GAD2: variants seen among roughly 807,000 people sequenced by gnomAD.
GAD2 encodes glutamate decarboxylase 2.
A neutral mutation model predicts 80.1 loss-of-function variants in GAD2; 22 were observed. That is an observed-to-expected ratio of 0.27 (90% CI 0.20 to 0.39). The LOEUF (loss-of-function observed/expected upper bound fraction) is 0.39, where lower values mean the gene tolerates loss of function less well. Among genes scored for constraint, GAD2 ranks in the 10% least tolerant of loss-of-function variants. GAD2 has a pLI of 1.00. For missense variants in GAD2, 624 were observed against 738.4 expected (o/e 0.85, Z 1.80); for synonymous variants, 274 against 256.9 (o/e 1.07, Z -0.64).
chr10:26,299,138 G>A (rs1834304171), intron 15 of GAD2, among the ~76,000 whole-genome samples: 1 of 152,210 alleles, frequency 6.6e-6, no homozygotes, highest in East Asian at 1.9e-4. Context: ...TGAAGGTGAA[G>A]TCTACCTGTT....
chr10:26,253,940 G>A (rs1399558309), intron 8 of GAD2, among the ~76,000 whole-genome samples: 1 of 152,186 alleles, frequency 6.6e-6, no homozygotes, highest in Non-Finnish European at 1.5e-5. Flanking sequence ...AGGGCTGTGA[G>A]GGGCGGGGGT....
rs376571102 is a variant in GAD2 at position 26,286,341 on chromosome 10, G to A, written c.1237-4G>A. On this transcript the variant is annotated splice_region_variant and splice_polypyrimidine_tract_variant and intron_variant, in intron 12 of 15. Transcript: ENST00000376261. ...TTTCCTAAATTTTCTCTTCTCTCTT[G>A]TAGGGATTGATGCAGAATTGCAACC... The A allele has an allele frequency of 4.2e-5, 68 of 1,611,558 alleles. 1 individual carries two copies. Among genetic ancestry groups the A allele is most frequent in the Non-Finnish European group, 5.3e-5 (63 of 1,179,290 alleles).
chr10:26,272,910 TG>T (rs1340751950), intron 10 of GAD2, among the ~76,000 whole-genome samples: 3 of 151,968 alleles, frequency 2.0e-5, no homozygotes, highest in African/African-American at 7.3e-5. Context: ...CAACAAAAGG[TG>T]GGGGGAAGTG....
intron 8 of GAD2, among the ~76,000 whole-genome samples, chr10:26,263,827 CA>C (rs1845036983): frequency 6.6e-6 from 1 of 152,160 alleles, no homozygotes; most frequent in South Asian, 2.1e-4. Flanking sequence ...ATGCTGATAG[CA>C]GTAATTGGGG....
chr10:26,260,570 G>A (rs986389012), intron 8 of GAD2, among the ~76,000 whole-genome samples: 1 of 152,216 alleles, frequency 6.6e-6, no homozygotes, highest in Non-Finnish European at 1.5e-5. Context: ...GAAGGTTGCA[G>A]TGAGCCAAGA....
intron 6 of GAD2, among the ~76,000 whole-genome samples, chr10:26,228,646 C>T (rs1311492562): frequency 1.3e-5 from 2 of 152,192 alleles, no homozygotes; most frequent in African/African-American, 2.4e-5. Context: ...TGCCTTCTGT[C>T]ACATCAGCAG....
rs192009738 is a variant in GAD2 at position 26,264,593 on chromosome 10, G to A, written c.921-4526G>A. On this transcript the variant is annotated intron_variant, in intron 8 of 15. Transcript: ENST00000376261. ...CCAAAGTGCTGGGATAACAGGCGTG[G>A]AGCCACCATGCCCGGCCCAGATTTC... Among the ~76,000 whole-genome samples, 84 of 152,168 alleles carry A rather than the reference G, an allele frequency of 5.5e-4. 1 individual carries two copies. The highest frequency in any genetic ancestry group is 2.0e-3 in the African/African-American group (81 of 41,528).
At chr10:26,260,025 A>G (rs1443489408) in intron 8 of GAD2, among the ~76,000 whole-genome samples, 3 of 152,170 alleles carry the variant, frequency 2.0e-5, no homozygotes, top group Non-Finnish European at 2.9e-5. Context: ...GATGGCATGT[A>G]GTTTAAAATA....
chr10:26,273,594 A>T (rs771190247), intron 10 of GAD2, 42 bp from the exon 11 acceptor site: 1 of 1,535,804 alleles, frequency 6.5e-7, no homozygotes. Context: ...AATCTAGGCA[A>T]TGACAAACTG....
chr10:26,241,057 A>AG (rs1216785454), intron 7 of GAD2, among the ~76,000 whole-genome samples: 1 of 152,158 alleles, frequency 6.6e-6, no homozygotes, highest in Non-Finnish European at 1.5e-5. Flanking sequence ...AGAAAAAAAA[A>AG]AGAGAGAGTG....
intron 8 of GAD2, among the ~76,000 whole-genome samples, chr10:26,253,944 CG>C (rs968487092): frequency 7.3e-5 from 11 of 150,886 alleles, no homozygotes; most frequent in African/African-American, 2.7e-4. Context: ...CTGTGAGGGG[CG>C]GGGGTGGCAG....
chr10:26,251,245 CAT>C (rs138278936), intron 8 of GAD2, among the ~76,000 whole-genome samples: 315 of 152,118 alleles, frequency 2.1e-3, no homozygotes, highest in South Asian at 5.0e-3. Context: ...TATTTTTCCA[CAT>C]GATTACAAAC....
At chr10:26,279,934 A>G (rs1170907301) in intron 11 of GAD2, among the ~76,000 whole-genome samples, 2 of 152,236 alleles carry the variant, frequency 1.3e-5, no homozygotes, top group African/African-American at 2.4e-5. Flanking sequence ...TTGGACATCA[A>G]TTGATTAGAA....
chr10:26,237,743 C>T (rs766100730), intron 7 of GAD2, among the ~76,000 whole-genome samples: 14 of 152,114 alleles, frequency 9.2e-5, no homozygotes, highest in Non-Finnish European at 1.8e-4. Flanking sequence ...TGCAGTGGTT[C>T]ATGCCTGTAA....
intron 12 of GAD2, among the ~76,000 whole-genome samples, chr10:26,284,441 A>C (rs1564671029): frequency 6.6e-6 from 1 of 152,150 alleles, no homozygotes; most frequent in African/African-American, 2.4e-5. Context: ...AGTTTGGGAC[A>C]GGATGGTCTA....
At chr10:26,250,046 C>T (rs1489665601) in intron 8 of GAD2, among the ~76,000 whole-genome samples, 1 of 151,610 alleles carries the variant, frequency 6.6e-6, no homozygotes, top group African/African-American at 2.4e-5. Context: ...TTTTTTAAGA[C>T]ATGAGGTCTT....
chr10:26,228,697 C>T (rs1027740326), intron 6 of GAD2, among the ~76,000 whole-genome samples: 1 of 152,196 alleles, frequency 6.6e-6, no homozygotes, highest in Non-Finnish European at 1.5e-5. Flanking sequence ...CTATTGTGAA[C>T]TGCGCATGCG....
chr10:26,300,889 A>G lies in GAD2; in HGVS notation c.1686A>G (p.Ser562=). ...DKVNFFRMVI[S]NPAATHQDID... ...TCAATTTCTTCCGCATGGTCATCTC[A>G]AACCCAGCGGCAACTCACCAAGACA... is the stretch of plus-strand genomic sequence containing the variant. The change falls in exon 16 of 16, where the codon TCA becomes TCG. Residue 562 remains serine, a synonymous_variant. Coordinates refer to ENST00000376261, the MANE Select transcript of GAD2 (RefSeq NM_001134366.2). 1 of 1,613,026 alleles carries G rather than the reference A, an allele frequency of 6.2e-7. No homozygotes were observed. Among genetic ancestry groups the G allele is most frequent in the South Asian group, 1.1e-5 (1 of 91,054 alleles).
chr10:26,250,498 G>A (rs894841000), intron 8 of GAD2, among the ~76,000 whole-genome samples: 5 of 152,174 alleles, frequency 3.3e-5, no homozygotes, highest in Admixed American at 6.5e-5. Flanking sequence ...AGCTTTGTGG[G>A]ATGAGGGAAG....
Sources: allele counts gnomAD v4.1 joint callset (sites outside exome capture counted in the v4.1 genomes callset), GRCh38; gene constraint gnomAD v4.1.1; transcripts MANE v1.5; gene names NCBI Gene and HGNC (gene_info 2026-07-23, HGNC 2026-07-21).